Variants in TNRC6A observed in about 807,000 individuals in gnomAD.
TNRC6A encodes the protein trinucleotide repeat-containing gene 6A protein.
Under a neutral mutation model 221.2 loss-of-function variants are expected in TNRC6A, and 44 were observed. The observed-to-expected ratio is 0.20, with a 90% confidence interval of 0.16 to 0.26. The LOEUF is 0.26. Among genes scored for constraint, TNRC6A ranks in the 10% least tolerant of loss-of-function variants. The pLI, the probability that TNRC6A is intolerant of heterozygous loss-of-function variation, is 1.00. For synonymous variants in TNRC6A, 847 were observed against 838.5 expected (o/e 1.01, Z -0.18); for missense variants, 2,199 against 2,404.4 (o/e 0.91, Z 1.79).
At chr16:24,671,605 C>A (rs2055304187) in intron 2 of TNRC6A, among the ~76,000 whole-genome samples, 1 of 152,192 alleles carries the variant, frequency 6.6e-6, no homozygotes, top group Non-Finnish European at 1.5e-5. Context: ...TGTCACTGCG[C>A]CCATTTCACA....
At chr16:24,660,715 CTTTTTCTTTTTTCTTTTTTTTTTCTTT>C (rs1246965087) in intron 2 of TNRC6A, among the ~76,000 whole-genome samples, 6 of 119,268 alleles carry the variant, frequency 5.0e-5, no homozygotes, top group African/African-American at 1.9e-4. Context: ...ATTCAGCTTT[CTTTTTCTTTTTTCTTTTTTTTTTCTTT>C]TTTTTTTTTT....
chr16:24,616,406 A>G (rs1313897415), intron 1 of TNRC6A, among the ~76,000 whole-genome samples: 1 of 152,080 alleles, frequency 6.6e-6, no homozygotes, highest in Non-Finnish European at 1.5e-5. Context: ...TCCTAAATAC[A>G]TAAGGGAAGG....
At chr16:24,783,192 G>C (rs1395678009) in intron 5 of TNRC6A, among the ~76,000 whole-genome samples, 1 of 151,630 alleles carries the variant, frequency 6.6e-6, no homozygotes, top group East Asian at 1.9e-4. Context: ...GCAGTGGTGC[G>C]ATCTCTGCTC....
chr16:24,786,101 G>A (rs2057959636), intron 5 of TNRC6A, among the ~76,000 whole-genome samples: 1 of 152,214 alleles, frequency 6.6e-6, no homozygotes, highest in Admixed American at 6.5e-5. Context: ...ATATCTAAGT[G>A]GAAATTTTAA....
rs749456421 is a variant in TNRC6A, at chr16:24,729,892, G to C, written c.5+46G>C. On this transcript the variant is annotated intron_variant, in intron 1 of 24. Transcript: ENST00000395799. ...CCTCCGGGCGGGAGGAGCCGCGGGC[G>C]CTGCCGCAGGGCCCGCAACCCGCGG... 4.9e-6 allele frequency: 6 copies of C among 1,229,886 alleles called. No individual in the cohort carries two copies. The East Asian group carries it at 2.0e-4, about 42-fold the overall frequency. The allele number at this position is 1,229,886 out of a possible 1,614,324, so 76.2% of individuals were successfully genotyped here.
At chr16:24,737,154 TAATAAA>T (rs993400713) in intron 2 of TNRC6A, among the ~76,000 whole-genome samples, 38 of 152,114 alleles carry the variant, frequency 2.5e-4, no homozygotes, top group South Asian at 1.5e-3. Flanking sequence ...CAAAATAAAA[TAATAAA>T]AATAAAAATA....
chr16:24,769,631 G>T lies in TNRC6A; in HGVS notation c.164-7302G>T, dbSNP rs147401636. 1.2e-4 allele frequency among the ~76,000 whole-genome samples: 19 copies of T among 152,258 alleles called. No homozygotes were observed. The East Asian group carries it at 3.3e-3, about 26-fold the overall frequency. On this transcript the variant is annotated intron_variant, in intron 4 of 24. Transcript: ENST00000395799. ...CTCACATTAATGATCTCAGTGGCTG[G>T]TCTTGTCCTGCTCTCTCCATGCCAG...
In TNRC6A at chr16:24,730,120, C is replaced by T. The variant is rs1385813245; in HGVS notation, c.6-133C>T. ...TGCAGCCCCGCAGCTTTGTGAGTCC[C>T]CCTCCCCCCGTCCTCTCCCCTCCCC... is the stretch of plus-strand genomic sequence containing the variant. On this transcript the variant is annotated intron_variant, in intron 1 of 24. Transcript: ENST00000395799. 3.9e-5 allele frequency: 32 copies of T among 810,198 alleles called. 1 individual carries two copies. The highest frequency in any genetic ancestry group is 5.3e-5 in the Non-Finnish European group (30 of 561,622). 50.2% of individuals were successfully genotyped at this position (810,198 alleles called of 1,614,324 possible). A position where few individuals can be genotyped will look rare whatever the true frequency, so the allele number is the denominator to read the frequency against.
chr16:24,708,435 G>T (rs1390610179), intron 2 of TNRC6A, among the ~76,000 whole-genome samples: 1 of 151,968 alleles, frequency 6.6e-6, no homozygotes, highest in Admixed American at 6.6e-5. Context: ...TAGAGACGGG[G>T]TTTCACCATG....
intron 4 of TNRC6A, among the ~76,000 whole-genome samples, chr16:24,760,188 C>T (rs1188344784): frequency 6.6e-6 from 1 of 152,114 alleles, no homozygotes; most frequent in Non-Finnish European, 1.5e-5. Flanking sequence ...TCAGGCCTTT[C>T]AGCTTTCCTA....
intron 9 of TNRC6A, 86 bp from the exon 10 acceptor site, chr16:24,797,404 A>G (rs930027660): frequency 5.4e-6 from 5 of 926,416 alleles, no homozygotes; most frequent in Non-Finnish European, 8.2e-6. Flanking sequence ...AGAATTGGGG[A>G]TTGTCTTAAG....
At chr16:24,787,491 C>T (rs2057999499) in intron 5 of TNRC6A, among the ~76,000 whole-genome samples, 1 of 152,192 alleles carries the variant, frequency 6.6e-6, no homozygotes. Context: ...GAATGCCAAA[C>T]ATTTGTTGAT....
chr16:24,790,383 T>G lies in TNRC6A; in HGVS notation c.1741T>G (p.Ser581Ala). ...GGVWESGAAN[S>A]QSTSWGSGNG... is the part of the protein sequence containing the mutation. ...TGTGTGGGAATCTGGTGCAGCAAAC[T>G]CCCAGAGTACATCATGGGGAAGTGG... is the stretch of plus-strand genomic sequence containing the variant. Residue 581 changes from serine to alanine, a missense_variant, in exon 6 of 25, where the codon TCC (serine) becomes GCC (alanine). Around this residue, in one of 8 missense-constraint regions of TNRC6A, gnomAD observed 1,405 missense variants for 1,400.2 expected, o/e 1.00. Transcript: ENST00000395799. 2 of 1,614,094 alleles carry G rather than the reference T, an allele frequency of 1.2e-6. No homozygotes were observed. The highest frequency in any genetic ancestry group is 1.7e-6 in the Non-Finnish European group (2 of 1,180,040).
At chr16:24,794,447 C>T (rs933489698) in intron 7 of TNRC6A, 97 bp from the exon 8 acceptor site, 4 of 1,339,712 alleles carry the variant, frequency 3.0e-6, no homozygotes, top group Non-Finnish European at 4.0e-6. Flanking sequence ...TGTGTGTTTT[C>T]TTAGGTTCTC....
intron 1 of TNRC6A, among the ~76,000 whole-genome samples, chr16:24,620,917 C>G (rs1234844904): frequency 1.3e-5 from 2 of 151,728 alleles, no homozygotes; most frequent in East Asian, 3.9e-4. Flanking sequence ...AACCCCGTCT[C>G]TATTAAAAAT....
intron 2 of TNRC6A, among the ~76,000 whole-genome samples, chr16:24,741,245 G>A (rs1301864756): frequency 1.3e-5 from 2 of 152,182 alleles, no homozygotes; most frequent in Non-Finnish European, 2.9e-5. Context: ...TTGAGGAAAA[G>A]TATGCAGTCT....
At chr16:24,708,272 G>A (rs1453607675) in intron 2 of TNRC6A, among the ~76,000 whole-genome samples, 1 of 147,568 alleles carries the variant, frequency 6.8e-6, no homozygotes. Context: ...ACGGAGTCTC[G>A]CTCTGTCGCC....
chr16:24,781,987 T>C (rs2057859475), intron 5 of TNRC6A, among the ~76,000 whole-genome samples: 3 of 152,052 alleles, frequency 2.0e-5, no homozygotes, highest in Non-Finnish European at 1.5e-5. Context: ...CATGCCCGGC[T>C]AATTTTTTGT....
intron 2 of TNRC6A, among the ~76,000 whole-genome samples, chr16:24,738,488 A>G (rs1191158743): frequency 2.0e-5 from 3 of 151,984 alleles, no homozygotes; most frequent in Admixed American, 2.0e-4. Context: ...CCACTAATCT[A>G]CTTTCTATTA....
Sources: gnomAD v4.1 joint callset for allele counts (sites outside exome capture counted in the v4.1 genomes callset) on GRCh38, gnomAD v4.1.1 for gene constraint, gnomAD v4.1.1 regional missense constraint, MANE v1.5 for transcripts, NCBI Gene and HGNC (gene_info 2026-07-23, HGNC 2026-07-21) for gene names.